PCDHGB4: variants seen among roughly 807,000 people sequenced by gnomAD.
PCDHGB4 encodes the protein protocadherin gamma subfamily B, 4.
Under a neutral mutation model 60.5 loss-of-function variants are expected in PCDHGB4, and 38 were observed. The ratio of observed to expected loss-of-function variants is 0.63; its 90% CI spans 0.48 to 0.82. PCDHGB4 has a LOEUF of 0.82. Ranked by LOEUF, PCDHGB4 falls within the 40% of genes least tolerant of loss-of-function variation. The probability of loss-of-function intolerance (pLI) is 0.00; values close to 1 mark genes in which losing one functional copy is unlikely to be tolerated. For missense variants in PCDHGB4, 1,109 were observed against 1,209.6 expected (o/e 0.92, Z 1.23); for synonymous variants, 456 against 509.7 (o/e 0.89, Z 1.42).
At chr5:141,437,930 G>A (rs142381129) in intron 1 of PCDHGB4, among the ~76,000 whole-genome samples, 2,019 of 152,152 alleles carry the variant, frequency 0.013, 16 homozygotes, top group Middle Eastern at 0.034. Context: ...TAGAGATGGG[G>A]TTTCACCATA....
chr5:141,458,292 T>C (rs2098941901), intron 1 of PCDHGB4, among the ~76,000 whole-genome samples: 1 of 152,146 alleles, frequency 6.6e-6, no homozygotes, highest in Admixed American at 6.5e-5. Flanking sequence ...GTCCTCATGC[T>C]GGTTTAGATA....
In PCDHGB4 at chr5:141,511,345, TCC is replaced by T; in HGVS notation, c.*178_*179del. 1 of 1,410,484 alleles carries T rather than the reference TCC, an allele frequency of 7.1e-7. No homozygotes were observed. The highest frequency in any genetic ancestry group is 9.4e-7 in the Non-Finnish European group (1 of 1,060,658). The allele number at this position is 1,410,484 out of a possible 1,614,324, so 87.4% of individuals were successfully genotyped here. On this transcript the variant is annotated 3_prime_UTR_variant, in exon 4 of 4. Coordinates refer to ENST00000519479, the MANE Select transcript of PCDHGB4 (RefSeq NM_003736.4). ...AAGTGCCCAGTCAGCACCTACCCCT[TCC>T]CCCCCAGGGGGTTGAATATGCAAAA... is the stretch of plus-strand genomic sequence containing the variant.
At chr5:141,475,764 C>T (rs2154573514) in intron 1 of PCDHGB4, among the ~76,000 whole-genome samples, 1 of 152,380 alleles carries the variant, frequency 6.6e-6, no homozygotes, top group South Asian at 2.1e-4. Flanking sequence ...CCGATACTGG[C>T]AAGGCGCTTT....
intron 1 of PCDHGB4, chr5:141,415,435 C>A: frequency 1.2e-6 from 2 of 1,614,202 alleles, no homozygotes; most frequent in Non-Finnish European, 8.5e-7. Context: ...TCGGGCTTTC[C>A]TGCAGACCTA....
chr5:141,471,196 C>T (rs59385734), intron 1 of PCDHGB4: 16,293 of 151,632 alleles, frequency 0.11, 894 homozygotes, highest in South Asian at 0.15. Context: ...ATTACAGGCA[C>T]CCACCCCCAT....
intron 1 of PCDHGB4, among the ~76,000 whole-genome samples, chr5:141,420,742 A>T (rs967908996): frequency 6.6e-6 from 1 of 152,254 alleles, no homozygotes; most frequent in African/African-American, 2.4e-5. Flanking sequence ...AATCAATTGG[A>T]ACCAACTACA....
rs2099727742 is a variant in PCDHGB4 at position 141,491,740 on chromosome 5, G to C, written c.2398-3067G>C. On this transcript the variant is annotated intron_variant, in intron 1 of 3. Coordinates refer to ENST00000519479, the MANE Select transcript of PCDHGB4 (RefSeq NM_003736.4). The surrounding 1 kb of genome is among the most constrained non-coding windows in gnomAD (Gnocchi z 6.9). Reference sequence around the variant, plus strand: ...GCCGCCCCGGGCGACCCCTGGGGGCGGCACTGGAGAAGCCGCCCGTCCTCA... The same window carrying C: ...GCCGCCCCGGGCGACCCCTGGGGGCCGCACTGGAGAAGCCGCCCGTCCTCA... The C allele has an allele frequency of 6.3e-7, 1 of 1,597,622 alleles. No homozygotes were observed. The highest frequency in any genetic ancestry group is 8.5e-7 in the Non-Finnish European group (1 of 1,173,228).
At chr5:141,481,607 C>A (rs2099540195) in intron 1 of PCDHGB4, among the ~76,000 whole-genome samples, 1 of 152,158 alleles carries the variant, frequency 6.6e-6, no homozygotes, top group Admixed American at 6.5e-5. Flanking sequence ...CACCTGAGGC[C>A]AGGAGTTCAA....
chr5:141,413,533 C>G, intron 1 of PCDHGB4: 1 of 1,613,934 alleles, frequency 6.2e-7, no homozygotes, highest in Non-Finnish European at 8.5e-7. Flanking sequence ...CAGGGTGAAA[C>G]TTTTTGGGAT....
chr5:141,448,639 T>A (rs1248697237), intron 1 of PCDHGB4, among the ~76,000 whole-genome samples: 1 of 152,148 alleles, frequency 6.6e-6, no homozygotes, highest in Admixed American at 6.6e-5. Flanking sequence ...CATTATATCC[T>A]TTAAAAATAT....
intron 1 of PCDHGB4, chr5:141,390,878 G>A (rs2092258677): frequency 6.5e-6 from 1 of 153,282 alleles, no homozygotes; most frequent in Non-Finnish European, 1.5e-5. Flanking sequence ...GTGTGTGTGT[G>A]TGTGTGTGTG....
At chr5:141,422,488 A>G in intron 1 of PCDHGB4, 1 of 1,614,000 alleles carries the variant, frequency 6.2e-7, no homozygotes, top group Non-Finnish European at 8.5e-7. Context: ...GAGCTACAAT[A>G]TAACGTTGAC....
chr5:141,506,109 A>G (rs1027886504), intron 3 of PCDHGB4, among the ~76,000 whole-genome samples: 5 of 152,126 alleles, frequency 3.3e-5, no homozygotes, highest in Middle Eastern at 3.2e-3. Flanking sequence ...GTCCCTGAAG[A>G]GTCACTAGGG....
chr5:141,415,730 G>A lies in PCDHGB4; in HGVS notation c.2397+25449G>A. On this transcript the variant is annotated intron_variant, in intron 1 of 3. Transcript: ENST00000519479. Reference sequence around the variant, plus strand: ...AAAACACTGATGAGTAGAATTTGATGTTTATTAAGGTTTTTTTTTTTTTTT... The same window carrying A: ...AAAACACTGATGAGTAGAATTTGATATTTATTAAGGTTTTTTTTTTTTTTT... 4 of 476,826 alleles carry A rather than the reference G, an allele frequency of 8.4e-6. No individual in the cohort carries two copies. The South Asian group carries it at 2.0e-4, about 24-fold the overall frequency. The allele number at this position is 476,826 out of a possible 1,614,324, so 29.5% of individuals were successfully genotyped here. A position where few individuals can be genotyped will look rare whatever the true frequency, so the allele number is the denominator to read the frequency against.
At chr5:141,423,025 G>A in intron 1 of PCDHGB4, 1 of 1,614,222 alleles carries the variant, frequency 6.2e-7, no homozygotes, top group Non-Finnish European at 8.5e-7. Context: ...CAAAGATTCA[G>A]GCCAGAACGC....
chr5:141,390,665 TA>T, intron 1 of PCDHGB4: 1 of 192,900 alleles, frequency 5.2e-6, no homozygotes, highest in Non-Finnish European at 1.1e-5. Flanking sequence ...ACCATAAATA[TA>T]AAAATAATAA....
chr5:141,399,807 C>T, intron 1 of PCDHGB4: 1 of 1,613,222 alleles, frequency 6.2e-7, no homozygotes, highest in Non-Finnish European at 8.5e-7. Context: ...GGGTGCTGTA[C>T]CCCGCGCTGG....
intron 1 of PCDHGB4, chr5:141,430,861 A>C: frequency 6.3e-7 from 1 of 1,592,834 alleles, no homozygotes; most frequent in Middle Eastern, 1.7e-4. Flanking sequence ...TACGCTATTC[A>C]GTTCCGGAAG....
rs372987681 is a variant in PCDHGB4, at chr5:141,389,597, G to A, written c.1713G>A (p.Ala571=). The change falls in exon 1 of 4, where the codon GCG becomes GCA. Residue 571 remains alanine (A), a synonymous_variant. Transcript: ENST00000519479. Reference sequence around the variant, plus strand: ...CCGCGCTGGGTCCCGACGGCTCTGCGCTCTTCGATATGGTGCCGCACGCTG... The same window carrying A: ...CCGCGCTGGGTCCCGACGGCTCTGCACTCTTCGATATGGTGCCGCACGCTG... ...LYPALGPDGS[A]LFDMVPHAAE... 5.9e-5 allele frequency: 95 copies of A among 1,613,008 alleles called. No individual in the cohort carries two copies. The highest frequency in any genetic ancestry group is 7.5e-5 in the Non-Finnish European group (88 of 1,179,802).
Sources: allele counts gnomAD v4.1 joint callset (sites outside exome capture counted in the v4.1 genomes callset), GRCh38; gene constraint gnomAD v4.1.1; non-coding constraint Gnocchi (gnomAD v3.1); transcripts MANE v1.5; gene names NCBI Gene and HGNC (gene_info 2026-07-23, HGNC 2026-07-21).